The following EHBP1 variants were observed in gnomAD, a reference collection of about 807,000 sequenced individuals.
The protein encoded by EHBP1 is EH domain binding protein 1.
In EHBP1, 55 loss-of-function variants were observed where a neutral mutation model predicts 144.0. That is an observed-to-expected ratio of 0.38 (90% CI 0.31 to 0.48). EHBP1 has a LOEUF of 0.48. Ranked by LOEUF, EHBP1 falls within the 20% of genes least tolerant of loss-of-function variation. The pLI, the probability that EHBP1 is intolerant of heterozygous loss-of-function variation, is 0.98. For missense variants in EHBP1, 1,200 were observed against 1,364.2 expected (o/e 0.88, Z 1.90); for synonymous variants, 469 against 472.7 (o/e 0.99, Z 0.10).
intron 21 of EHBP1, among the ~76,000 whole-genome samples, chr2:63,042,080 A>G (rs1195835946): frequency 6.6e-6 from 1 of 152,148 alleles, no homozygotes; most frequent in African/African-American, 2.4e-5. Flanking sequence ...GCAGCATCAA[A>G]ACTTAATCCT....
chr2:62,996,647 G>T lies in EHBP1; in HGVS notation c.2984G>T (p.Gly995Val). 1 of 1,613,042 alleles carries T rather than the reference G, an allele frequency of 6.2e-7. No homozygotes were observed. Among genetic ancestry groups the T allele is most frequent in the Non-Finnish European group, 8.5e-7 (1 of 1,179,486 alleles). ...KPSEDEVLNKGFKDTSQYVVG... is the reference protein window; with the variant it reads ...KPSEDEVLNKVFKDTSQYVVG... ...CCTGTTTGTTCTTGTTAACAGAAAG[G>T]GTTCAAAGACACCAGTCAGTATGTA... The change falls in exon 19 of 23, where the codon GGG becomes GTG. Residue 995 changes from glycine (G) to valine (V), a missense_variant. Coordinates refer to ENST00000431489, the MANE Select transcript of EHBP1 (RefSeq NM_001142616.3).
rs567137683 is a variant in EHBP1 at position 62,972,722 on chromosome 2, T to C, written c.2461-6466T>C. On this transcript the variant is annotated intron_variant, in intron 14 of 22. Transcript: ENST00000431489. ...TGTCTCTGTGGTGTTAGGACATTAGTAGAAAAGTAAATTAAGGCAATCTGA... is the reference window on the plus strand; with the variant it reads ...TGTCTCTGTGGTGTTAGGACATTAGCAGAAAAGTAAATTAAGGCAATCTGA... Among the ~76,000 whole-genome samples, 117 of 152,288 alleles carry C rather than the reference T, an allele frequency of 7.7e-4. 1 individual carries two copies. Among genetic ancestry groups the C allele is most frequent in the Admixed American group, 2.9e-3 (44 of 15,288 alleles).
rs773222521 is a variant in EHBP1 at position 63,038,755 on chromosome 2, T to C, written c.3216T>C (p.His1072=). Residue 1072 remains histidine (H), a synonymous_variant, in exon 21 of 23, where the codon CAT becomes CAC. Coordinates refer to ENST00000431489, the MANE Select transcript of EHBP1 (RefSeq NM_001142616.3). ...MNQLSLLEKE[H]DLERRYELLN... ...GCAACTTGCCCAGGGAAAAAGAACA[T>C]GATTTAGAACGACGGTATGAGCTGC... The C allele has an allele frequency of 1.9e-6, 3 of 1,613,338 alleles. No individual in the cohort carries two copies. Among genetic ancestry groups the C allele is most frequent in the East Asian group, 2.2e-5 (1 of 44,848 alleles).
chr2:62,943,944 G>A, intron 12 of EHBP1, 94 bp downstream of exon 12: 1 of 834,038 alleles, frequency 1.2e-6, no homozygotes, highest in South Asian at 1.8e-5. Flanking sequence ...GTTTTATGAG[G>A]TCATAACTAC....
At chr2:62,889,658 T>C (rs2052277973) in intron 10 of EHBP1, among the ~76,000 whole-genome samples, 1 of 152,238 alleles carries the variant, frequency 6.6e-6, no homozygotes. Flanking sequence ...TAGGGAATCC[T>C]TTCTCCATTG....
intron 7 of EHBP1, among the ~76,000 whole-genome samples, chr2:62,835,057 A>G (rs2047105442): frequency 6.6e-6 from 1 of 152,176 alleles, no homozygotes; most frequent in Non-Finnish European, 1.5e-5. Flanking sequence ...AGTTTGCCCC[A>G]TTTAATGCCT....
chr2:62,800,864 G>T (rs1327639812), intron 5 of EHBP1, among the ~76,000 whole-genome samples: 1 of 152,086 alleles, frequency 6.6e-6, no homozygotes, highest in African/African-American at 2.4e-5. Flanking sequence ...CTTCATGAAA[G>T]GCTTAGTAGA....
Position 62,948,379 on chromosome 2 carries a change from T to C in EHBP1, c.1533T>C (p.His511=), listed in dbSNP as rs2057185920. 3.1e-6 allele frequency: 5 copies of C among 1,614,002 alleles called. No individual in the cohort carries two copies. The highest frequency in any genetic ancestry group is 4.2e-6 in the Non-Finnish European group (5 of 1,179,960). Residue 511 remains histidine (H), a synonymous_variant, in exon 13 of 23, where the codon CAT becomes CAC. Coordinates refer to ENST00000431489, the MANE Select transcript of EHBP1 (RefSeq NM_001142616.3). ...CTTATCTCTATCAAATAAGGGCACA[T>C]TTCAGTGGCCAAGAACTAAATGTCG... ...VMTYLYQIRA[H]FSGQELNVVQ...
chr2:62,772,696 A>G (rs1369266457), intron 5 of EHBP1, among the ~76,000 whole-genome samples: 2 of 152,250 alleles, frequency 1.3e-5, no homozygotes, highest in African/African-American at 4.8e-5. Flanking sequence ...ATTTTCAGTG[A>G]ATATTAGCTT....
At chr2:62,830,211 T>C (rs113028227) in intron 6 of EHBP1, among the ~76,000 whole-genome samples, 29 of 146,084 alleles carry the variant, frequency 2.0e-4, no homozygotes, top group East Asian at 4.0e-4. Flanking sequence ...TATACACATA[T>C]ACACACACAC....
intron 8 of EHBP1, among the ~76,000 whole-genome samples, chr2:62,860,335 TA>T (rs2049403586): frequency 6.6e-6 from 1 of 151,932 alleles, no homozygotes; most frequent in South Asian, 2.1e-4. Flanking sequence ...ACTAAAAATA[TA>T]AAAAGTTAGC....
chr2:62,865,138 C>T (rs541167861), intron 9 of EHBP1, among the ~76,000 whole-genome samples, 167 bp downstream of exon 9: 10 of 152,260 alleles, frequency 6.6e-5, no homozygotes, highest in Non-Finnish European at 1.0e-4. Context: ...CCTTATTCTC[C>T]CACCCTCTTC....
At chr2:62,754,207 T>A (rs1217837421) in intron 3 of EHBP1, among the ~76,000 whole-genome samples, 1 of 152,212 alleles carries the variant, frequency 6.6e-6, no homozygotes, top group East Asian at 1.9e-4. Context: ...GTTTCCCATC[T>A]AACAGTCAGG....
chr2:63,039,674 GA>G (rs1250201633), intron 21 of EHBP1, among the ~76,000 whole-genome samples: 1 of 152,070 alleles, frequency 6.6e-6, no homozygotes, highest in Non-Finnish European at 1.5e-5. Context: ...AATTAGTTCA[GA>G]AACTGGAAAT....
chr2:62,801,796 TTCAC>T (rs1393461533), intron 5 of EHBP1, among the ~76,000 whole-genome samples: 1 of 152,240 alleles, frequency 6.6e-6, no homozygotes, highest in Non-Finnish European at 1.5e-5. Flanking sequence ...AGAGACCAAT[TTCAC>T]TCATTATCTT....
At chr2:62,875,648 C>G (rs1336262680) in intron 10 of EHBP1, among the ~76,000 whole-genome samples, 2 of 152,064 alleles carry the variant, frequency 1.3e-5, no homozygotes, top group African/African-American at 4.8e-5. Flanking sequence ...GCCAAAATGG[C>G]TAAAATGACA....
chr2:62,739,859 C>A (rs2038522372), intron 2 of EHBP1, among the ~76,000 whole-genome samples: 1 of 150,740 alleles, frequency 6.6e-6, no homozygotes, highest in Non-Finnish European at 1.5e-5. Context: ...TTGCTTGAGT[C>A]CAGGAGTCTG....
intron 7 of EHBP1, among the ~76,000 whole-genome samples, chr2:62,852,079 A>T (rs2048724901): frequency 6.6e-6 from 1 of 152,156 alleles, no homozygotes; most frequent in Non-Finnish European, 1.5e-5. Flanking sequence ...AATGTTTTGA[A>T]GGTAAAGACT....
chr2:62,916,814 A>G (rs1245494477), intron 10 of EHBP1, among the ~76,000 whole-genome samples: 1 of 149,772 alleles, frequency 6.7e-6, no homozygotes, highest in Non-Finnish European at 1.5e-5. Context: ...TAAAATTTAC[A>G]TACACAAATT....
Sources: gnomAD v4.1 joint callset for allele counts (sites outside exome capture counted in the v4.1 genomes callset) on GRCh38, gnomAD v4.1.1 for gene constraint, MANE v1.5 for transcripts, NCBI Gene and HGNC (gene_info 2026-07-23, HGNC 2026-07-21) for gene names.